Variants in COL25A1 observed in about 807,000 individuals in gnomAD.
COL25A1 encodes the protein collagen type XXV alpha 1 chain, also known as collagen alpha-1(XXV) chain.
A neutral mutation model predicts 128.4 loss-of-function variants in COL25A1; 103 were observed. That is an observed-to-expected ratio of 0.80 (90% CI 0.68 to 0.94). The LOEUF (loss-of-function observed/expected upper bound fraction) is 0.94, where lower values mean the gene tolerates loss of function less well. Ranked by LOEUF, COL25A1 falls within the 40% of genes least tolerant of loss-of-function variation. The probability of loss-of-function intolerance (pLI) is 0.00; values close to 1 mark genes in which losing one functional copy is unlikely to be tolerated. For missense variants in COL25A1, 745 were observed against 840.0 expected (o/e 0.89, Z 1.40); for synonymous variants, 279 against 277.2 (o/e 1.01, Z -0.06).
intron 3 of COL25A1, among the ~76,000 whole-genome samples, chr4:109,220,952 T>C (rs964754832): frequency 6.6e-5 from 10 of 152,122 alleles, no homozygotes; most frequent in Admixed American, 2.0e-4. Flanking sequence ...GGGTGAAATG[T>C]AGAACCGAGA....
At chr4:109,137,147 T>G (rs550162749) in intron 3 of COL25A1, among the ~76,000 whole-genome samples, 9 of 152,304 alleles carry the variant, frequency 5.9e-5, no homozygotes, top group Admixed American at 5.9e-4. Flanking sequence ...AATAGATTGC[T>G]AATACACCAT....
chr4:108,982,430 A>G (rs551785016), intron 6 of COL25A1, among the ~76,000 whole-genome samples: 8 of 152,154 alleles, frequency 5.3e-5, no homozygotes, highest in African/African-American at 9.7e-5. Flanking sequence ...AGGCCCTAGA[A>G]CCACCTAGTC....
intron 10 of COL25A1, 92 bp downstream of exon 10, chr4:108,940,447 C>A (rs1213437921): frequency 7.8e-6 from 8 of 1,022,814 alleles, no homozygotes; most frequent in Non-Finnish European, 1.2e-5. Flanking sequence ...ACCCCCTGAC[C>A]TGATGCCCCT....
chr4:108,906,686 T>G (rs1349147956), intron 13 of COL25A1, among the ~76,000 whole-genome samples: 2 of 152,246 alleles, frequency 1.3e-5, no homozygotes, highest in African/African-American at 2.4e-5. Context: ...GAAATTCAAA[T>G]TTAATAGGGC....
chr4:109,224,617 T>G (rs1778659622), intron 3 of COL25A1, among the ~76,000 whole-genome samples: 1 of 151,864 alleles, frequency 6.6e-6, no homozygotes, highest in Non-Finnish European at 1.5e-5. Flanking sequence ...AGTAGAAGAG[T>G]GATTCTCAAG....
At chr4:109,015,009 T>TCCTAATAGAGCCATCTGG (rs1757087019) in intron 5 of COL25A1, among the ~76,000 whole-genome samples, 1 of 152,176 alleles carries the variant, frequency 6.6e-6, no homozygotes. Flanking sequence ...CTTGCAGTCG[T>TCCTAATAGAGCCATCTGG]CCTAATAGAG....
chr4:109,297,759 A>C (rs1161491837), intron 3 of COL25A1, among the ~76,000 whole-genome samples: 1 of 151,998 alleles, frequency 6.6e-6, no homozygotes, highest in Non-Finnish European at 1.5e-5. Flanking sequence ...AATATACTAA[A>C]AAGAATAGTA....
intron 11 of COL25A1, among the ~76,000 whole-genome samples, chr4:108,929,212 C>T (rs1195712906): frequency 6.6e-6 from 1 of 152,130 alleles, no homozygotes; most frequent in Non-Finnish European, 1.5e-5. Context: ...CAACCTCTGC[C>T]TCCCAGGTTC....
intron 3 of COL25A1, among the ~76,000 whole-genome samples, chr4:109,182,239 G>A (rs79219869): frequency 9.9e-5 from 15 of 152,070 alleles, no homozygotes; most frequent in Non-Finnish European, 1.9e-4. Context: ...GAATTATGTG[G>A]TAGTTTGACT....
intron 34 of COL25A1, 152 bp downstream of exon 34, chr4:108,825,044 T>G: frequency 3.7e-6 from 2 of 536,298 alleles, no homozygotes; most frequent in Non-Finnish European, 6.5e-6. Context: ...CAAACACTAG[T>G]GTATTTTATA....
At chr4:109,244,377 G>A (rs112574814) in intron 3 of COL25A1, among the ~76,000 whole-genome samples, 2 of 152,026 alleles carry the variant, frequency 1.3e-5, no homozygotes, top group Non-Finnish European at 2.9e-5. Context: ...GTGTCACTTT[G>A]TAGGCCTTCC....
intron 3 of COL25A1, among the ~76,000 whole-genome samples, chr4:109,079,352 T>C (rs1326553991): frequency 1.3e-5 from 2 of 152,230 alleles, no homozygotes; most frequent in Admixed American, 6.5e-5. Context: ...CTGTGTAGCA[T>C]AGTGTTTAGT....
intron 20 of COL25A1, among the ~76,000 whole-genome samples, chr4:108,866,469 A>G (rs1405174864): frequency 2.6e-5 from 4 of 152,224 alleles, no homozygotes; most frequent in African/African-American, 9.6e-5. Context: ...CTGGGATTAC[A>G]GGCGTAAGCC....
At chr4:108,824,346 C>A in intron 34 of COL25A1, 119 bp from the exon 35 acceptor site, 1 of 700,470 alleles carries the variant, frequency 1.4e-6, no homozygotes, top group Non-Finnish European at 2.4e-6. Flanking sequence ...AATGGCTCAC[C>A]AGTGTTAAGA....
chr4:109,079,537 T>C (rs1763656210), intron 3 of COL25A1, among the ~76,000 whole-genome samples: 2 of 152,128 alleles, frequency 1.3e-5, no homozygotes. Context: ...TTTCAGTATG[T>C]ACACAGAGAT....
intron 24 of COL25A1, among the ~76,000 whole-genome samples, chr4:108,858,940 A>C (rs1736840988): frequency 6.6e-6 from 1 of 152,188 alleles, no homozygotes; most frequent in African/African-American, 2.4e-5. Flanking sequence ...CATAGAAGTT[A>C]TTGTTGACCT....
intron 6 of COL25A1, among the ~76,000 whole-genome samples, chr4:108,987,585 A>T (rs542953826): frequency 1.3e-5 from 2 of 152,132 alleles, no homozygotes; most frequent in South Asian, 2.1e-4. Flanking sequence ...CATCTTGGCC[A>T]GGCTGATCTT....
chr4:109,208,016 T>C (rs1207151270), intron 3 of COL25A1, among the ~76,000 whole-genome samples: 1 of 152,192 alleles, frequency 6.6e-6, no homozygotes, highest in Admixed American at 6.6e-5. Flanking sequence ...CTAGTGATCA[T>C]AAACTAGGTT....
intron 8 of COL25A1, among the ~76,000 whole-genome samples, chr4:108,950,633 T>G (rs28651455): frequency 0.043 from 6,578 of 152,274 alleles, 372 homozygotes; most frequent in African/African-American, 0.13. Context: ...AACTCTCCCT[T>G]GAGACGTAGA....
Sources: gnomAD v4.1 joint callset for allele counts (sites outside exome capture counted in the v4.1 genomes callset) on GRCh38, gnomAD v4.1.1 for gene constraint, MANE v1.5 for transcripts, NCBI Gene and HGNC (gene_info 2026-07-23, HGNC 2026-07-21) for gene names.